The following CYP3A5 variants were observed in gnomAD, a reference collection of about 807,000 sequenced individuals.
CYP3A5 encodes the protein cytochrome P450 3A5.
CYP3A5 carries 51 observed loss-of-function variants against 55.9 expected under a neutral mutation model. The observed-to-expected ratio is 0.91, with a 90% CI of 0.73 to 1.15. The LOEUF is 1.15. Ranked by LOEUF, CYP3A5 falls within the 50% of genes most tolerant of loss-of-function variation. CYP3A5 has a pLI of 0.00. For missense variants in CYP3A5, 533 were observed against 596.6 expected (o/e 0.89, Z 1.11); for synonymous variants, 196 against 213.9 (o/e 0.92, Z 0.73).
At chr7:99,679,185 C>T (rs1356451393) in intron 1 of CYP3A5, among the ~76,000 whole-genome samples, 3 of 152,236 alleles carry the variant, frequency 2.0e-5, no homozygotes, top group Middle Eastern at 3.4e-3. Context: ...GATAAACCAT[C>T]CTGTGTATGA....
At chr7:99,658,921 C>T (rs1009281804) in intron 10 of CYP3A5, 3 of 152,184 alleles carry the variant, frequency 2.0e-5, no homozygotes, top group Non-Finnish European at 4.4e-5. Flanking sequence ...GTGCCATGGT[C>T]TTCAGCTCCA....
intron 4 of CYP3A5, among the ~76,000 whole-genome samples, chr7:99,672,042 TTTGTTG>T (rs573372567): frequency 4.6e-5 from 7 of 151,728 alleles, no homozygotes; most frequent in South Asian, 2.1e-4. Flanking sequence ...TTTGCCGGTT[TTTGTTG>T]TTGTTGTTGT....
chr7:99,652,317 A>C, intron 11 of CYP3A5: 1 of 335,944 alleles, frequency 3.0e-6, no homozygotes, highest in Non-Finnish European at 5.4e-6. Flanking sequence ...GCGTAGAAAA[A>C]TGCCCACAGG....
intron 8 of CYP3A5, 88 bp downstream of exon 8, chr7:99,663,880 A>T (rs750136126): frequency 3.4e-6 from 5 of 1,458,764 alleles, no homozygotes; most frequent in South Asian, 1.6e-5. Flanking sequence ...CTTTATTTTT[A>T]AAAATACAGA....
chr7:99,677,309 C>T, intron 1 of CYP3A5: 1 of 947,382 alleles, frequency 1.1e-6, no homozygotes, highest in Non-Finnish European at 1.3e-6. Context: ...GCTAGCCCCA[C>T]ACAGTTGGCT....
chr7:99,676,693 A>G (rs62471929), intron 1 of CYP3A5: 21,819 of 566,928 alleles, frequency 0.038, 518 homozygotes, highest in Non-Finnish European at 0.054. Flanking sequence ...TGCCCTTACA[A>G]TTTGCTCAGA....
chr7:99,652,448 G>T (rs879597310), intron 11 of CYP3A5, 105 bp downstream of exon 11: 15 of 737,026 alleles, frequency 2.0e-5, no homozygotes, highest in Admixed American at 5.7e-5. Context: ...AGACTTACAA[G>T]CAAATGATTG....
chr7:99,668,536 C>T (rs1292495694), intron 4 of CYP3A5, among the ~76,000 whole-genome samples: 4 of 152,160 alleles, frequency 2.6e-5, no homozygotes, highest in East Asian at 1.9e-4. Flanking sequence ...GTGTGAACTT[C>T]GTAGACAACA....
At chr7:99,676,984 T>G (rs1247237218) in intron 1 of CYP3A5, among the ~76,000 whole-genome samples, 1 of 152,192 alleles carries the variant, frequency 6.6e-6, no homozygotes, top group Non-Finnish European at 1.5e-5. Flanking sequence ...CAGCAACTAA[T>G]ACTTCTCAGG....
At chr7:99,657,382 G>C (rs1031076344) in intron 10 of CYP3A5, among the ~76,000 whole-genome samples, 1 of 152,160 alleles carries the variant, frequency 6.6e-6, no homozygotes, top group Non-Finnish European at 1.5e-5. Flanking sequence ...TTTCCATGTA[G>C]TTGAGCGGTT....
At chr7:99,648,954 A>G (rs1312552594) in intron 12 of CYP3A5, among the ~76,000 whole-genome samples, 1 of 152,200 alleles carries the variant, frequency 6.6e-6, no homozygotes, top group African/African-American at 2.4e-5. Flanking sequence ...CTTGGCTTCC[A>G]AGCGTAGTGC....
At chr7:99,663,480 C>A in intron 8 of CYP3A5, 1 of 991,144 alleles carries the variant, frequency 1.0e-6, no homozygotes, top group Non-Finnish European at 1.2e-6. Context: ...TCAGAGAAGA[C>A]CCCTGTTCAC....
intron 1 of CYP3A5, among the ~76,000 whole-genome samples, chr7:99,678,808 C>G (rs1435026202): frequency 1.3e-5 from 2 of 152,184 alleles, no homozygotes; most frequent in African/African-American, 4.8e-5. Flanking sequence ...TGTCTATTTT[C>G]ATGTCATTGT....
rs41301670 is a variant in CYP3A5 at position 99,666,526 on chromosome 7, C to T, written c.521+75G>A. On this transcript the variant is annotated intron_variant, in intron 6 of 12. Coordinates refer to ENST00000222982, the MANE Select transcript of CYP3A5 (RefSeq NM_000777.5). ...TGGTCACTGGAGTAACCCAACAGTG[C>T]GACTGTCGACTCCATGGCAGGCAGC... 1.0e-3 allele frequency: 1,508 copies of T among 1,464,946 alleles called. 10 individuals are homozygous for T. In the African/African-American group the frequency reaches 0.016, roughly 15 times the overall value. 90.7% of individuals were successfully genotyped at this position (1,464,946 alleles called of 1,614,324 possible). A position where few individuals can be genotyped will look rare whatever the true frequency, so the allele number is the denominator to read the frequency against.
chr7:99,659,960 A>T (rs1384642066), intron 10 of CYP3A5: 4 of 153,458 alleles, frequency 2.6e-5, no homozygotes, highest in African/African-American at 9.7e-5. Flanking sequence ...CTGATTTTCC[A>T]GGTGCTGTCC....
rs1046397346 is a variant in CYP3A5, at chr7:99,666,518, C to A, written c.521+83G>T. The A allele has an allele frequency of 2.8e-6, 4 of 1,426,776 alleles. No individual in the cohort carries two copies. The South Asian group carries it at 4.6e-5, about 16-fold the overall frequency. The allele number at this position is 1,426,776 out of a possible 1,614,324, so 88.4% of individuals were successfully genotyped here. ...CTTTTGTCTGGTCACTGGAGTAACC[C>A]AACAGTGCGACTGTCGACTCCATGG... On this transcript the variant is annotated intron_variant, in intron 6 of 12. Transcript: ENST00000222982.
At chr7:99,654,743 T>C (rs1809542105) in intron 10 of CYP3A5, among the ~76,000 whole-genome samples, 1 of 152,230 alleles carries the variant, frequency 6.6e-6, no homozygotes, top group Non-Finnish European at 1.5e-5. Flanking sequence ...CTCCAGCACC[T>C]GTTGTTTCCT....
intron 10 of CYP3A5, among the ~76,000 whole-genome samples, chr7:99,654,783 C>T (rs1233406011): frequency 1.2e-4 from 18 of 152,146 alleles, no homozygotes; most frequent in South Asian, 2.1e-4. Context: ...TTCTAACTGG[C>T]GTGAGATGGT....
intron 10 of CYP3A5, among the ~76,000 whole-genome samples, chr7:99,658,317 A>G (rs1234416583): frequency 6.6e-6 from 1 of 152,092 alleles, no homozygotes; most frequent in Non-Finnish European, 1.5e-5. Context: ...TCTGTAAAGT[A>G]TTTTATTTCT....
Sources: gnomAD v4.1 joint callset for allele counts (sites outside exome capture counted in the v4.1 genomes callset) on GRCh38, gnomAD v4.1.1 for gene constraint, MANE v1.5 for transcripts, NCBI Gene and HGNC (gene_info 2026-07-23, HGNC 2026-07-21) for gene names.